NDUFAF1: variants seen among roughly 807,000 people sequenced by gnomAD.
The protein encoded by NDUFAF1 is complex I intermediate-associated protein 30, mitochondrial.
In NDUFAF1, 18 loss-of-function variants were observed where a neutral mutation model predicts 28.7. The ratio of observed to expected loss-of-function variants is 0.63; its 90% CI spans 0.43 to 0.93. The LOEUF is 0.93. NDUFAF1 is among the 40% of genes least tolerant of loss of function. NDUFAF1 has a pLI of 0.00. For synonymous variants in NDUFAF1, 113 were observed against 139.7 expected, an observed-to-expected ratio of 0.81 and a Z score of 1.35; for missense variants, 404 against 398.3, an observed-to-expected ratio of 1.01 and a Z score of -0.12.
chr15:41,402,060 C>T (rs891498302), intron 1 of NDUFAF1, 84 bp downstream of exon 1: 6 of 341,766 alleles, frequency 1.8e-5, no homozygotes, highest in African/African-American at 8.4e-5. Flanking sequence ...TGGACAATAC[C>T]GCCCTGAGGT....
intron 2 of NDUFAF1, among the ~76,000 whole-genome samples, chr15:41,395,322 C>T (rs1486711496): frequency 6.6e-6 from 1 of 152,046 alleles, no homozygotes; most frequent in Non-Finnish European, 1.5e-5. Flanking sequence ...AATGTATTTC[C>T]TTTACCTGGT....
chr15:41,387,413 A>T lies in NDUFAF1; in HGVS notation c.*31T>A. 3.1e-6 allele frequency: 5 copies of T among 1,601,884 alleles called. No homozygotes were observed. Among genetic ancestry groups the T allele is most frequent in the Non-Finnish European group, 4.3e-6 (5 of 1,168,996 alleles). On this transcript the variant is annotated 3_prime_UTR_variant, in exon 5 of 5. Coordinates refer to ENST00000260361, the MANE Select transcript of NDUFAF1 (RefSeq NM_016013.4). ...TATCATTGTAGATGCTAGTACCCTT[A>T]GATTAGTAAAACAAAACTACCATAT...
chr15:41,388,366 T>C, intron 4 of NDUFAF1, 82 bp downstream of exon 4: 1 of 1,130,774 alleles, frequency 8.8e-7, no homozygotes, highest in Admixed American at 1.8e-5. Context: ...CTGCCAGCCT[T>C]CTCAAATGAA....
intron 3 of NDUFAF1, among the ~76,000 whole-genome samples, chr15:41,388,887 AG>A (rs2050284731): frequency 1.3e-5 from 2 of 151,942 alleles, no homozygotes; most frequent in East Asian, 1.9e-4. Flanking sequence ...ATTCTATCTC[AG>A]AAAAAAAAGA....
At chr15:41,395,579 C>T (rs1330214168) in intron 2 of NDUFAF1, among the ~76,000 whole-genome samples, 1 of 151,058 alleles carries the variant, frequency 6.6e-6, no homozygotes, top group African/African-American at 2.4e-5. Context: ...ACCGTGTTAG[C>T]CAGGATGGTC....
chr15:41,401,267 CTTTTTTTTTTTT>C (rs755063294), intron 1 of NDUFAF1, among the ~76,000 whole-genome samples: 1 of 111,228 alleles, frequency 9.0e-6, no homozygotes, highest in Non-Finnish European at 1.9e-5. Flanking sequence ...GGCGCCCAAC[CTTTTTTTTTTTT>C]TTTTTTTTTG....
At position 41,402,006 on chromosome 15, in the gene NDUFAF1, AT is replaced by A. The variant is rs200152538; in HGVS notation, c.-82+137del. 0.17 allele frequency: 40,379 copies of A among 244,658 alleles called. 4,223 individuals carry two copies. The highest frequency in any genetic ancestry group is 0.57 in the East Asian group (6,146 of 10,726). The allele number at this position is 244,658 out of a possible 1,614,324, so 15.2% of individuals were successfully genotyped here. A position where few individuals can be genotyped will look rare whatever the true frequency, so the allele number is the denominator to read the frequency against. On this transcript the variant is annotated intron_variant, in intron 1 of 4. Transcript: ENST00000260361. The stretch of plus-strand genomic sequence containing the variant: ...ACTTTAATTATAAATGCTTTGTTTC[AT>A]TTTTTTTTTTCTACCAGTAAACAGA...
rs770939199 is a variant in NDUFAF1 at position 41,394,906 on chromosome 15, T to C, written c.712A>G (p.Ser238Gly). Residue 238 changes from serine to glycine, a missense_variant, in exon 3 of 5, where the codon AGT becomes GGT. Coordinates refer to ENST00000260361, the MANE Select transcript of NDUFAF1 (RefSeq NM_016013.4). ...DFFQRTNQMY[S>G]YFMFTRGGPY... ...CCCCCGCGGGTGAACATGAAGTAAC[T>C]ATACATCTGATTCGTCCTCTGGAAG... The C allele has an allele frequency of 1.1e-5, 17 of 1,614,050 alleles. No homozygotes were observed. The highest frequency in any genetic ancestry group is 2.2e-5 in the East Asian group (1 of 44,890).
In NDUFAF1 at chr15:41,396,617, C is replaced by A. The variant is rs760046397; in HGVS notation, c.443G>T (p.Ser148Ile). The A allele has an allele frequency of 1.9e-6, 3 of 1,614,148 alleles. No homozygotes were observed. In the Admixed American group the frequency reaches 5.0e-5, roughly 27 times the overall value. The change falls in exon 2 of 5, where the codon AGT (serine) becomes ATT (isoleucine). Residue 148 changes from serine to isoleucine, a missense_variant. By Grantham distance (142) the Ser-to-Ile change is moderately radical. Transcript: ENST00000260361. The part of the protein sequence containing the change: ...VTSDKTIGGR[S>I]EVFLKMGKNN... ...CTTGCCCATTTTCAAAAACACTTCA[C>A]TTCTGCCTCCAATCGTCTTATCAGA...
rs571649284 is a variant in NDUFAF1 at position 41,398,356 on chromosome 15, C to T, written c.-81-1216G>A. On this transcript the variant is annotated intron_variant, in intron 1 of 4. Coordinates refer to ENST00000260361, the MANE Select transcript of NDUFAF1 (RefSeq NM_016013.4). ...AAAATAATCCAGGCGTGGTGGCAGA[C>T]GCCTGTAATCCCAGCTACTAGGGAG... Among the ~76,000 whole-genome samples, 8 of 151,394 alleles carry T rather than the reference C, an allele frequency of 5.3e-5. No individual in the cohort carries two copies. In the East Asian group the frequency reaches 9.8e-4, roughly 19 times the overall value.
intron 2 of NDUFAF1, among the ~76,000 whole-genome samples, chr15:41,395,743 C>CA (rs1162489023): frequency 1.3e-4 from 18 of 142,384 alleles, no homozygotes; most frequent in African/African-American, 4.4e-4. Flanking sequence ...GGCACGATCT[C>CA]AGCTCACTGC....
Position 41,388,434 on chromosome 15 carries a change from C to G in NDUFAF1, c.834+14G>C, listed in dbSNP as rs1278721931. 4 of 1,585,030 alleles carry G rather than the reference C, an allele frequency of 2.5e-6. No homozygotes were observed. The highest frequency in any genetic ancestry group is 1.7e-4 in the Middle Eastern group (1 of 6,020). On this transcript the variant is annotated intron_variant, in intron 4 of 4. Coordinates refer to ENST00000260361, the MANE Select transcript of NDUFAF1 (RefSeq NM_016013.4). Reference sequence around the variant, plus strand: ...ATGATACAGTTCTGAGTGAAAAATACAGGAATATGTTACCTTATCAAGCGG... The same window carrying G: ...ATGATACAGTTCTGAGTGAAAAATAGAGGAATATGTTACCTTATCAAGCGG...
intron 4 of NDUFAF1, 33 bp downstream of exon 4, chr15:41,388,415 C>G: frequency 6.7e-7 from 1 of 1,493,348 alleles, no homozygotes; most frequent in Non-Finnish European, 9.3e-7. Context: ...AAAAATGATA[C>G]AGTTCTGAGT....
chr15:41,387,826 G>C (rs2050270500), intron 4 of NDUFAF1, among the ~76,000 whole-genome samples: 1 of 152,078 alleles, frequency 6.6e-6, no homozygotes, highest in South Asian at 2.1e-4. Context: ...CTTAAGACTA[G>C]GAAGGACGGC....
rs775095828 is a variant in NDUFAF1 at position 41,396,970 on chromosome 15, A to G, written c.90T>C (p.Ile30=). The change falls in exon 2 of 5, where the codon ATT becomes ATC. Residue 30 remains isoleucine (I), a synonymous_variant. Transcript: ENST00000260361. ...GACTACTGGAATACTCTGCAAAGCGAATACCCAAAAATGGATACAAGGCAG... is the reference window on the plus strand; with the variant it reads ...GACTACTGGAATACTCTGCAAAGCGGATACCCAAAAATGGATACAAGGCAG... ...PTSALYPFLG[I]RFAEYSSSLQ... The G allele has an allele frequency of 5.8e-5, 94 of 1,612,014 alleles. No individual in the cohort carries two copies. The East Asian group carries it at 1.9e-3, about 33-fold the overall frequency.
At chr15:41,397,177 G>C (rs1229713972) in intron 1 of NDUFAF1, 37 bp from the exon 2 acceptor site, 2 of 738,412 alleles carry the variant, frequency 2.7e-6, no homozygotes, top group East Asian at 5.3e-5. Context: ...TATCAGCATA[G>C]CAATGAATGC....
rs375356140 is a variant in NDUFAF1 at position 41,398,481 on chromosome 15, G to GA, written c.-81-1342dup. ...CCTGGACAAGAGCAAAATTCCATGT[G>GA]AAAAAAAAAAAAAAAGAGACAGGGT... On this transcript the variant is annotated intron_variant, in intron 1 of 4. Transcript: ENST00000260361. Among the ~76,000 whole-genome samples the GA allele has an allele frequency of 8.3e-3, 966 of 117,088 alleles. 6 individuals are homozygous for GA. The highest frequency in any genetic ancestry group is 0.017 in the African/African-American group (544 of 31,826). 76.8% of individuals were successfully genotyped at this position (117,088 alleles called of 152,430 possible).
chr15:41,396,358 A>C, intron 2 of NDUFAF1, 129 bp downstream of exon 2: 1 of 857,338 alleles, frequency 1.2e-6, no homozygotes, highest in South Asian at 1.6e-5. Context: ...CCCCAGACAC[A>C]GGTGAGGTGC....
chr15:41,395,737 C>T (rs1369940315), intron 2 of NDUFAF1, among the ~76,000 whole-genome samples: 6 of 143,396 alleles, frequency 4.2e-5, no homozygotes, highest in Admixed American at 7.2e-5. Context: ...TGCAATGGCA[C>T]GATCTCAGCT....
Sources: gnomAD v4.1 joint callset for allele counts (sites outside exome capture counted in the v4.1 genomes callset) on GRCh38, gnomAD v4.1.1 for gene constraint, MANE v1.5 for transcripts, NCBI Gene and HGNC (gene_info 2026-07-23, HGNC 2026-07-21) for gene names.